Variants in FBXL2 observed in about 807,000 individuals in gnomAD.
FBXL2 encodes the protein F-box/LRR-repeat protein 2.
FBXL2 carries 38 observed loss-of-function variants against 69.2 expected under a neutral mutation model. The ratio of observed to expected loss-of-function variants is 0.55; its 90% CI spans 0.42 to 0.72. The LOEUF is 0.72. Ranked by LOEUF, FBXL2 falls within the 30% of genes least tolerant of loss-of-function variation. The pLI is 0.00. For synonymous variants in FBXL2, 192 were observed against 201.3 expected, an observed-to-expected ratio of 0.95 and a Z score of 0.39; for missense variants, 354 against 520.3, an observed-to-expected ratio of 0.68 and a Z score of 3.11.
rs1173027772 is a variant in FBXL2 at position 33,294,120 on chromosome 3, G to A, written c.4-3544G>A. Reference sequence around the variant, plus strand: ...AAATAACATTTATTTTTTTTGAGACGGAGTCTTGCTCTGTTGCCTAGGCTG... The same window carrying A: ...AAATAACATTTATTTTTTTTGAGACAGAGTCTTGCTCTGTTGCCTAGGCTG... On this transcript the variant is annotated intron_variant, in intron 1 of 14. Transcript: ENST00000484457. Among the ~76,000 whole-genome samples, 7 of 152,104 alleles carry A rather than the reference G, an allele frequency of 4.6e-5. No individual in the cohort carries two copies. The East Asian group carries it at 9.6e-4, about 21-fold the overall frequency.
At chr3:33,331,664 T>TA (rs2039176399) in intron 2 of FBXL2, among the ~76,000 whole-genome samples, 1 of 152,210 alleles carries the variant, frequency 6.6e-6, no homozygotes. Flanking sequence ...AAAACAACTT[T>TA]ATAGGGACAT....
At position 33,387,825 on chromosome 3, in the gene FBXL2, T is replaced by G. The variant is rs1158542353; in HGVS notation, c.*2217T>G. 1 of 152,178 alleles carries G rather than the reference T, an allele frequency of 6.6e-6. No individual in the cohort carries two copies. The highest frequency in any genetic ancestry group is 2.1e-4 in the South Asian group (1 of 4,822). 9.4% of individuals were successfully genotyped at this position (152,178 alleles called of 1,614,324 possible). ...GGCTCACGCCTGTAATCCCAGCACT[T>G]TGGGAGGCAGAGGCGGGCGGATCGT... On this transcript the variant is annotated 3_prime_UTR_variant, in exon 15 of 15. Coordinates refer to ENST00000484457, the MANE Select transcript of FBXL2 (RefSeq NM_012157.5).
chr3:33,284,682 A>G (rs868168236), intron 1 of FBXL2, among the ~76,000 whole-genome samples: 6 of 152,104 alleles, frequency 3.9e-5, no homozygotes, highest in Non-Finnish European at 5.9e-5. Flanking sequence ...TGGGAGTCTA[A>G]GTCTCTTTCT....
downstream of FBXL2, among the ~76,000 whole-genome samples, chr3:33,404,016 C>T (rs184256810): frequency 5.1e-4 from 77 of 152,178 alleles, no homozygotes; most frequent in African/African-American, 1.7e-3. Flanking sequence ...GAGGCCAAGG[C>T]GGTAGCCCAG....
chr3:33,375,512 G>T (rs1053164705), intron 10 of FBXL2, 94 bp downstream of exon 10: 15 of 1,415,250 alleles, frequency 1.1e-5, no homozygotes, highest in Non-Finnish European at 1.4e-5. Flanking sequence ...GCCAGGTAGT[G>T]GTGGTGGAGG....
At chr3:33,283,659 C>A (rs1575584725) in intron 1 of FBXL2, among the ~76,000 whole-genome samples, 1 of 152,150 alleles carries the variant, frequency 6.6e-6, no homozygotes, top group Non-Finnish European at 1.5e-5. Flanking sequence ...AAGAATTTGG[C>A]TGTGAATCTG....
intron 2 of FBXL2, among the ~76,000 whole-genome samples, chr3:33,299,016 TA>T (rs139716936): frequency 0.065 from 9,794 of 150,574 alleles, 1,059 homozygotes; most frequent in African/African-American, 0.22. Flanking sequence ...GGAATCCTTT[TA>T]TTTTTTTAAT....
At chr3:33,342,299 C>T (rs1253921945) in intron 2 of FBXL2, among the ~76,000 whole-genome samples, 1 of 151,428 alleles carries the variant, frequency 6.6e-6, no homozygotes, top group Admixed American at 6.6e-5. Flanking sequence ...GCCACTGTGC[C>T]CGGCCTATGC....
intron 1 of FBXL2, 80 bp from the exon 2 acceptor site, chr3:33,297,583 TC>T: frequency 1.2e-6 from 1 of 809,056 alleles, no homozygotes; most frequent in Non-Finnish European, 2.0e-6. Context: ...GCCGTTCTGA[TC>T]TAGTAGTATA....
chr3:33,287,676 T>C (rs1325253583), intron 1 of FBXL2, among the ~76,000 whole-genome samples: 1 of 152,118 alleles, frequency 6.6e-6, no homozygotes, highest in African/African-American at 2.4e-5. Flanking sequence ...TAGGGCTAAA[T>C]TGAGTAGGCA....
At chr3:33,304,326 T>C (rs2036535149) in intron 2 of FBXL2, among the ~76,000 whole-genome samples, 1 of 152,116 alleles carries the variant, frequency 6.6e-6, no homozygotes, top group Non-Finnish European at 1.5e-5. Context: ...GATTTCTTGC[T>C]TCTTAAAACT....
chr3:33,371,089 C>T (rs2042271319), intron 5 of FBXL2, among the ~76,000 whole-genome samples: 1 of 151,520 alleles, frequency 6.6e-6, no homozygotes, highest in Non-Finnish European at 1.5e-5. Context: ...TTCAAGTTCA[C>T]TAATCTTTTC....
At chr3:33,367,064 T>G (rs181882271) in intron 5 of FBXL2, among the ~76,000 whole-genome samples, 27 of 152,298 alleles carry the variant, frequency 1.8e-4, no homozygotes, top group African/African-American at 5.5e-4. Flanking sequence ...CATGTTTTTT[T>G]GGGGGAAGGT....
chr3:33,411,369 A>C, the FBXL2 span, among the ~76,000 whole-genome samples: 1 of 152,230 alleles, frequency 6.6e-6, no homozygotes, highest in Non-Finnish European at 1.5e-5. Context: ...ATAACATTTG[A>C]ATAATGCTTT....
At chr3:33,291,645 A>G (rs144511460) in intron 1 of FBXL2, among the ~76,000 whole-genome samples, 1 of 152,302 alleles carries the variant, frequency 6.6e-6, no homozygotes, top group African/African-American at 2.4e-5. Context: ...TAAGTTAAAG[A>G]TGCACTCTAT....
At chr3:33,303,347 C>T (rs1392122667) in intron 2 of FBXL2, among the ~76,000 whole-genome samples, 7 of 152,000 alleles carry the variant, frequency 4.6e-5, no homozygotes, top group Non-Finnish European at 1.0e-4. Context: ...GCTTAAAAGC[C>T]CTCATTTTCA....
At chr3:33,321,002 C>T (rs1038061967) in intron 2 of FBXL2, among the ~76,000 whole-genome samples, 2 of 151,718 alleles carry the variant, frequency 1.3e-5, no homozygotes, top group Non-Finnish European at 2.9e-5. Flanking sequence ...AATAAGAAAA[C>T]GACAAACAAT....
At chr3:33,416,682 AAATT>A in the FBXL2 span, 2 of 1,169,672 alleles carry the variant, frequency 1.7e-6, no homozygotes, top group Admixed American at 2.4e-5. Flanking sequence ...TATTGAAGTG[AAATT>A]AATTTTTTTT....
chr3:33,389,582 C>CT (rs2043676777), downstream of FBXL2: 1 of 152,036 alleles, frequency 6.6e-6, no homozygotes, highest in Non-Finnish European at 1.5e-5. Flanking sequence ...AAACCAGAAA[C>CT]TAAAATGCTA....
Sources: allele counts gnomAD v4.1 joint callset (sites outside exome capture counted in the v4.1 genomes callset), GRCh38; gene constraint gnomAD v4.1.1; transcripts MANE v1.5; gene names NCBI Gene and HGNC (gene_info 2026-07-23, HGNC 2026-07-21).